The following RIMBP2 variants were observed in gnomAD, a reference collection of about 807,000 sequenced individuals.
RIMBP2 encodes RIMS binding protein 2, also known as RIMS-binding protein 2.
In RIMBP2, 48 loss-of-function variants were observed where a neutral mutation model predicts 118.6. The ratio of observed to expected loss-of-function variants is 0.40; its 90% CI spans 0.32 to 0.51. The LOEUF (loss-of-function observed/expected upper bound fraction) is 0.51. Among genes scored for constraint, RIMBP2 ranks in the 20% least tolerant of loss-of-function variants. The pLI is 0.41. For synonymous variants in RIMBP2, 762 were observed against 742.9 expected, an observed-to-expected ratio of 1.03 and a Z score of -0.42; for missense variants, 1,551 against 1,768.3, an observed-to-expected ratio of 0.88 and a Z score of 2.20.
rs1459936015 is a variant in RIMBP2, at chr12:130,441,870, C to T, written c.1482G>A (p.Val494=). The T allele has an allele frequency of 6.2e-7, 1 of 1,613,752 alleles. No homozygotes were observed. The highest frequency in any genetic ancestry group is 1.7e-5 in the Admixed American group (1 of 60,032). The change falls in exon 11 of 23, where the codon GTG becomes GTA. Residue 494 remains valine (V), a synonymous_variant. Coordinates refer to ENST00000690449, the MANE Select transcript of RIMBP2 (RefSeq NM_001393629.1). ...CACCTGCAGGCAACGTGGAGAACTC[C>T]ACAAAGGCCTCCTTCTTCTCCCTTT... ...LEQREKKEAF[V]EFSTLPAGPP...
intron 2 of RIMBP2, among the ~76,000 whole-genome samples, chr12:130,616,949 G>A (rs912426318): frequency 3.3e-5 from 5 of 152,294 alleles, no homozygotes; most frequent in Admixed American, 6.5e-5. Flanking sequence ...GTGGGTCCCC[G>A]CAACATGGGC....
intron 2 of RIMBP2, among the ~76,000 whole-genome samples, chr12:130,538,188 T>C (rs2054243549): frequency 6.6e-6 from 1 of 152,130 alleles, no homozygotes; most frequent in Admixed American, 6.6e-5. Flanking sequence ...ATAGTGTCAT[T>C]AGGACATTTA....
chr12:130,583,581 C>T (rs1323389961), intron 2 of RIMBP2, among the ~76,000 whole-genome samples: 2 of 151,600 alleles, frequency 1.3e-5, no homozygotes, highest in Non-Finnish European at 2.9e-5. Context: ...ACCTCATCAC[C>T]GTTTCATCAT....
At chr12:130,500,270 C>T (rs1213776662) in intron 4 of RIMBP2, among the ~76,000 whole-genome samples, 3 of 152,112 alleles carry the variant, frequency 2.0e-5, no homozygotes, top group Non-Finnish European at 4.4e-5. Flanking sequence ...CCAGCCTGAC[C>T]AACACGGGGA....
At chr12:130,451,015 G>A (rs914914298) in intron 8 of RIMBP2, among the ~76,000 whole-genome samples, 180 bp downstream of exon 8, 7 of 151,722 alleles carry the variant, frequency 4.6e-5, no homozygotes, top group African/African-American at 1.7e-4. Context: ...TTCACAGAGG[G>A]GCCCCCCCAC....
intron 2 of RIMBP2, among the ~76,000 whole-genome samples, chr12:130,598,752 ATTATT>A (rs372752193): frequency 1.7e-3 from 256 of 152,218 alleles, no homozygotes; most frequent in African/African-American, 5.7e-3. Context: ...ATTGGAGAAC[ATTATT>A]TTAAGGCTTA....
intron 1 of RIMBP2, among the ~76,000 whole-genome samples, chr12:130,701,324 T>C (rs2065843327): frequency 1.3e-5 from 2 of 152,162 alleles, no homozygotes; most frequent in African/African-American, 4.8e-5. Context: ...GTTCTATAAA[T>C]ACAGAACCAG....
At chr12:130,441,459 C>T (rs151008535) in intron 11 of RIMBP2, among the ~76,000 whole-genome samples, 6 of 139,768 alleles carry the variant, frequency 4.3e-5, no homozygotes, top group Admixed American at 7.3e-5. Context: ...TTTACAAGGA[C>T]GAGAAAGAAG....
Position 130,479,924 on chromosome 12 carries a change from G to A in RIMBP2, c.-3-908C>T, listed in dbSNP as rs140627609. On this transcript the variant is annotated intron_variant, in intron 4 of 22. Transcript: ENST00000690449. ...TGCGGGCCCTTCCCTCCCCTCTGACGGGTCTCACGAGCCCAGAGTCACCAC... is the reference window on the plus strand; with the variant it reads ...TGCGGGCCCTTCCCTCCCCTCTGACAGGTCTCACGAGCCCAGAGTCACCAC... Among the ~76,000 whole-genome samples the A allele has an allele frequency of 4.6e-3, 700 of 151,620 alleles. 4 individuals are homozygous for A. The highest frequency in any genetic ancestry group is 0.016 in the African/African-American group (641 of 41,326).
intron 2 of RIMBP2, among the ~76,000 whole-genome samples, chr12:130,518,747 T>A (rs1162302308): frequency 6.6e-6 from 1 of 152,092 alleles, no homozygotes; most frequent in African/African-American, 2.4e-5. Context: ...TAACTACAAA[T>A]AAGTAAGACA....
chr12:130,691,105 C>T (rs528779366), intron 1 of RIMBP2, among the ~76,000 whole-genome samples: 2 of 152,182 alleles, frequency 1.3e-5, no homozygotes, highest in East Asian at 1.9e-4. Context: ...CTCAACAGGG[C>T]GGGATGAGAT....
chr12:130,595,284 C>T (rs137915121), intron 2 of RIMBP2, among the ~76,000 whole-genome samples: 1,851 of 152,256 alleles, frequency 0.012, 19 homozygotes, highest in Non-Finnish European at 0.02. Context: ...CTTGGCCGGG[C>T]GCGGTGGCTC....
chr12:130,415,323 G>T (rs2076034811), intron 17 of RIMBP2, among the ~76,000 whole-genome samples: 1 of 152,058 alleles, frequency 6.6e-6, no homozygotes, highest in Non-Finnish European at 1.5e-5. Flanking sequence ...CAATAGTGCA[G>T]AAAAAGCTTG....
At position 130,422,139 on chromosome 12, in the gene RIMBP2, T is replaced by C. The variant is rs1216699565; in HGVS notation, c.3238+314A>G. ...ACCTGCCATGGACTGTGACCCTGAG[T>C]GTCCCAGGGAGCCCATGCCAGGATG... On this transcript the variant is annotated intron_variant, in intron 17 of 22. Coordinates refer to ENST00000690449, the MANE Select transcript of RIMBP2 (RefSeq NM_001393629.1). The surrounding 1 kb of genome is among the most constrained non-coding windows in gnomAD (Gnocchi z 5.2). Among the ~76,000 whole-genome samples, 1 of 152,144 alleles carries C rather than the reference T, an allele frequency of 6.6e-6. No individual in the cohort carries two copies. Among genetic ancestry groups the C allele is most frequent in the Non-Finnish European group, 1.5e-5 (1 of 68,018 alleles).
At chr12:130,598,094 C>A (rs7958264) in intron 2 of RIMBP2, among the ~76,000 whole-genome samples, 128,148 of 152,198 alleles carry the variant, frequency 0.84, 53,967 homozygotes, top group South Asian at 0.88. Context: ...ATATACTAGC[C>A]ACAAACAAAA....
At chr12:130,512,527 T>A (rs2051022730) in intron 3 of RIMBP2, among the ~76,000 whole-genome samples, 1 of 152,182 alleles carries the variant, frequency 6.6e-6, no homozygotes, top group Admixed American at 6.5e-5. Flanking sequence ...TTCTCCATGT[T>A]GGCCAGGCTG....
At chr12:130,707,809 T>C (rs1408659839) in intron 1 of RIMBP2, among the ~76,000 whole-genome samples, 1 of 151,866 alleles carries the variant, frequency 6.6e-6, no homozygotes, top group African/African-American at 2.4e-5. Flanking sequence ...AATCAGGATG[T>C]GAAGGGAAAG....
intron 1 of RIMBP2, among the ~76,000 whole-genome samples, chr12:130,664,431 G>GCACGCA (rs1458045654): frequency 1.8e-4 from 7 of 39,892 alleles, no homozygotes; most frequent in Middle Eastern, 0.014. Flanking sequence ...GCACACACAT[G>GCACGCA]CATGCACGCA....
chr12:130,534,081 G>A (rs58455299), intron 2 of RIMBP2, among the ~76,000 whole-genome samples: 13,351 of 150,506 alleles, frequency 0.089, 744 homozygotes, highest in South Asian at 0.17. Context: ...CAGGATAATC[G>A]CTTGAACACA....
Sources: gnomAD v4.1 joint callset for allele counts (sites outside exome capture counted in the v4.1 genomes callset) on GRCh38, gnomAD v4.1.1 for gene constraint, Gnocchi (gnomAD v3.1) non-coding constraint, MANE v1.5 for transcripts, NCBI Gene and HGNC (gene_info 2026-07-23, HGNC 2026-07-21) for gene names.